Variants in PRDM16 observed in about 807,000 individuals in gnomAD.
The protein encoded by PRDM16 is PR/SET domain 16, also known as histone-lysine N-methyltransferase PRDM16.
PRDM16 carries 23 observed loss-of-function variants against 110.6 expected under a neutral mutation model. That is an observed-to-expected ratio of 0.21 (90% CI 0.15 to 0.29). The LOEUF (loss-of-function observed/expected upper bound fraction) is 0.29, where lower values mean the gene tolerates loss of function less well. PRDM16 is among the 10% of genes least tolerant of loss of function. PRDM16 has a pLI of 1.00. For synonymous variants in PRDM16, 799 were observed against 781.8 expected (o/e 1.02, Z -0.37); for missense variants, 1,615 against 1,794.3 (o/e 0.90, Z 1.81).
At chr1:3,421,969 C>T (rs1411178709) in intron 12 of PRDM16, among the ~76,000 whole-genome samples, 1 of 149,366 alleles carries the variant, frequency 6.7e-6, no homozygotes, top group African/African-American at 2.5e-5. Context: ...GGAAGACAGA[C>T]AGGCAGGCGG....
intron 2 of PRDM16, among the ~76,000 whole-genome samples, chr1:3,187,941 C>A (rs762430999): frequency 6.6e-6 from 1 of 152,146 alleles, no homozygotes; most frequent in Non-Finnish European, 1.5e-5. Context: ...ACGGGCGTAC[C>A]CCCCCAACGA....
At chr1:3,097,099 G>A (rs189439191) in intron 1 of PRDM16, among the ~76,000 whole-genome samples, 9 of 152,182 alleles carry the variant, frequency 5.9e-5, no homozygotes, top group East Asian at 5.8e-4. Flanking sequence ...CACCCAGGCC[G>A]GGATTCTAGG....
At chr1:3,398,408 C>T (rs1006745867) in intron 5 of PRDM16, among the ~76,000 whole-genome samples, 7 of 152,114 alleles carry the variant, frequency 4.6e-5, no homozygotes, top group South Asian at 2.1e-4. Flanking sequence ...CCCCAATAGC[C>T]GCCTCCCCCA....
chr1:3,325,970 TC>T (rs889173436), intron 3 of PRDM16, among the ~76,000 whole-genome samples: 3 of 144,610 alleles, frequency 2.1e-5, no homozygotes, highest in African/African-American at 8.0e-5. Flanking sequence ...TCCTTGGTCC[TC>T]CTTGGCCATC....
chr1:3,100,703 AG>A (rs59165975), intron 1 of PRDM16, among the ~76,000 whole-genome samples: 1,692 of 152,232 alleles, frequency 0.011, 34 homozygotes, highest in African/African-American at 0.039. Context: ...GGTTCCCGTG[AG>A]GAAGATAGAT....
In PRDM16 at chr1:3,204,555, G is replaced by A. The variant is rs557346503; in HGVS notation, c.387+18081G>A. Among the ~76,000 whole-genome samples the A allele has an allele frequency of 3.2e-4, 48 of 152,304 alleles. 2 individuals are homozygous for A. In the South Asian group the frequency reaches 8.3e-3, roughly 26 times the overall value. On this transcript the variant is annotated intron_variant, in intron 2 of 16. Transcript: ENST00000270722. ...CTGTCCCAGGGGAGCCCGTGGCTCC[G>A]TTTCTGAACCAGTGTGTGGGTGAGG...
Position 3,434,763 on chromosome 1 carries a change from G to T in PRDM16, c.*952G>T. 4.3e-6 allele frequency: 1 copy of T among 232,518 alleles called. No homozygotes were observed. The highest frequency in any genetic ancestry group is 8.5e-6 in the Non-Finnish European group (1 of 117,596). 14.4% of individuals were successfully genotyped at this position (232,518 alleles called of 1,614,324 possible). A position where few individuals can be genotyped will look rare whatever the true frequency, so the allele number is the denominator to read the frequency against. ...CTTGGATCCGCCATGCAGAGATGTG[G>T]CCGGGCACCCATCTTCCTTCCCTCC... On this transcript the variant is annotated 3_prime_UTR_variant, in exon 17 of 17. Coordinates refer to ENST00000270722, the MANE Select transcript of PRDM16 (RefSeq NM_022114.4).
In PRDM16 at chr1:3,213,512, G is replaced by A. The variant is rs544038788; in HGVS notation, c.387+27038G>A. Among the ~76,000 whole-genome samples the A allele has an allele frequency of 3.9e-5, 6 of 152,180 alleles. No individual in the cohort carries two copies. Among genetic ancestry groups the A allele is most frequent in the African/African-American group, 1.4e-4 (6 of 41,444 alleles). Reference sequence around the variant, plus strand: ...TGCGGGTGCCCCCCTGGGTTTGGTTGTGCCCGTGGGGGGTTGCTAGAGAGT... The same window carrying A: ...TGCGGGTGCCCCCCTGGGTTTGGTTATGCCCGTGGGGGGTTGCTAGAGAGT... On this transcript the variant is annotated intron_variant, in intron 2 of 16. Coordinates refer to ENST00000270722, the MANE Select transcript of PRDM16 (RefSeq NM_022114.4). The surrounding 1 kb of genome is among the most constrained non-coding windows in gnomAD (Gnocchi z 5.3).
At chr1:3,276,677 G>GTGAACAGAGCCAGCGAGGGGTGCCA (rs1426481283) in intron 3 of PRDM16, among the ~76,000 whole-genome samples, 11 of 98,820 alleles carry the variant, frequency 1.1e-4, no homozygotes, top group African/African-American at 1.6e-4. Flanking sequence ...TCGAGGTGCC[G>GTGAACAGAGCCAGCGAGGGGTGCCA]TGAACAGAGC....
At chr1:3,156,155 C>T (rs1643856097) in intron 1 of PRDM16, among the ~76,000 whole-genome samples, 1 of 152,114 alleles carries the variant, frequency 6.6e-6, no homozygotes, top group Non-Finnish European at 1.5e-5. Context: ...GATTTCCTCT[C>T]CCATTTATTT....
At chr1:3,101,158 G>A (rs1642523704) in intron 1 of PRDM16, among the ~76,000 whole-genome samples, 1 of 152,164 alleles carries the variant, frequency 6.6e-6, no homozygotes. Flanking sequence ...AACAGAGACT[G>A]TGCCACGATG....
intron 3 of PRDM16, among the ~76,000 whole-genome samples, chr1:3,336,348 G>A (rs984534169): frequency 2.0e-4 from 31 of 152,334 alleles, no homozygotes; most frequent in South Asian, 1.5e-3. Flanking sequence ...ATGCACATGT[G>A]TGTGTGCATG....
At chr1:3,160,824 G>A (rs1643891526) in intron 1 of PRDM16, among the ~76,000 whole-genome samples, 1 of 152,210 alleles carries the variant, frequency 6.6e-6, no homozygotes, top group African/African-American at 2.4e-5. Flanking sequence ...CTTCCAGACA[G>A]GGTAGCTGGG....
chr1:3,431,864 G>A (rs1638778173), intron 15 of PRDM16, 102 bp from the exon 16 acceptor site: 5 of 1,153,942 alleles, frequency 4.3e-6, no homozygotes, highest in Non-Finnish European at 6.3e-6. Flanking sequence ...CAGAGATGCA[G>A]CGGCGTGCAT....
At chr1:3,195,749 A>G (rs1445151851) in intron 2 of PRDM16, among the ~76,000 whole-genome samples, 2 of 152,166 alleles carry the variant, frequency 1.3e-5, no homozygotes. Flanking sequence ...GGCGTGGCCC[A>G]GCCTCCCCCT....
intron 1 of PRDM16, among the ~76,000 whole-genome samples, chr1:3,085,385 C>T (rs1262519986): frequency 6.6e-6 from 1 of 152,230 alleles, no homozygotes; most frequent in Non-Finnish European, 1.5e-5. Context: ...CGAGTCCCCT[C>T]ACTGAACAAG....
intron 2 of PRDM16, among the ~76,000 whole-genome samples, chr1:3,204,848 G>A (rs188748757): frequency 6.6e-6 from 1 of 152,334 alleles, no homozygotes; most frequent in Admixed American, 6.5e-5. Context: ...GAAAGGAGTG[G>A]AGGGATAGGA....
rs183839977 is a variant in PRDM16, at chr1:3,269,951, G to T, written c.438+25814G>T. Among the ~76,000 whole-genome samples, 597 of 150,544 alleles carry T rather than the reference G, an allele frequency of 4.0e-3. 3 individuals carry two copies. The highest frequency in any genetic ancestry group is 0.014 in the African/African-American group (564 of 40,958). On this transcript the variant is annotated intron_variant, in intron 3 of 16. Coordinates refer to ENST00000270722, the MANE Select transcript of PRDM16 (RefSeq NM_022114.4). ...CAATCGGGAGGAGGACAGTCAGGAG[G>T]AGGACAGTCAGAAGGAGGACAGTTC...
chr1:3,401,658 T>TCAAACACATATGCACACAC (rs1553174083), intron 5 of PRDM16, among the ~76,000 whole-genome samples: 1 of 152,114 alleles, frequency 6.6e-6, no homozygotes, highest in East Asian at 1.9e-4. Flanking sequence ...TGTGTGCACA[T>TCAAACACATATGCACACAC]CAAACACATA....
Sources: allele counts gnomAD v4.1 joint callset (sites outside exome capture counted in the v4.1 genomes callset), GRCh38; gene constraint gnomAD v4.1.1; non-coding constraint Gnocchi (gnomAD v3.1); transcripts MANE v1.5; gene names NCBI Gene and HGNC (gene_info 2026-07-23, HGNC 2026-07-21).